CEL: variants seen among roughly 807,000 people sequenced by gnomAD.
CEL encodes carboxyl ester lipase.
CEL carries 39 observed loss-of-function variants against 57.1 expected under a neutral mutation model. The ratio of observed to expected loss-of-function variants is 0.68; its 90% CI spans 0.53 to 0.89. The LOEUF is 0.89. Among genes scored for constraint, CEL ranks in the 40% least tolerant of loss-of-function variants. The pLI, the probability that CEL is intolerant of heterozygous loss-of-function variation, is 0.00. For synonymous variants in CEL, 314 were observed against 396.6 expected (o/e 0.79, Z 2.48); for missense variants, 698 against 915.0 (o/e 0.76, Z 3.06).
Position 133,067,144 on chromosome 9 carries a change from GAA to G in CEL, c.835_836del (p.Lys279GlyfsTer3), listed in dbSNP as rs1830192211. The G allele has an allele frequency of 1.2e-6, 2 of 1,613,978 alleles. No individual in the cohort carries two copies. The highest frequency in any genetic ancestry group is 1.7e-5 in the Admixed American group (1 of 60,002). ...ATGCCGCCAGGATGGCCCAGTGTCT[GAA>G]GGTTACTGATCCCCGAGCCCTGACG... is the stretch of plus-strand genomic sequence containing the variant. ...GDAARMAQCL[K>X]VTDPRALTLA... On this transcript the variant is annotated frameshift_variant, in exon 7 of 11. Transcript: ENST00000372080. LOFTEE classifies it high-confidence loss of function.
rs150358550 is a variant in CEL, at chr9:133,065,101, C to G, written c.402C>G (p.Gly134=). The change falls in exon 4 of 11, where the codon GGC becomes GGG. Residue 134 remains glycine, a synonymous_variant. Transcript: ENST00000372080. ...GAGGCGCCTTCCTCATGGGGTCCGG[C>G]CATGGGGCCAACTTCCTCAACAACT... ...IYGGAFLMGS[G]HGANFLNNYL... is the part of the protein sequence containing the mutation. The G allele has an allele frequency of 5.0e-3, 8,061 of 1,613,938 alleles. 49 individuals carry two copies. The highest frequency in any genetic ancestry group is 8.1e-3 in the Middle Eastern group (49 of 6,060).
chr9:133,071,301 G>T lies in CEL; in HGVS notation c.1799G>T (p.Gly600Val). The change falls in exon 11 of 11, where the codon GGG (glycine) becomes GTG (valine). Residue 600 changes from glycine (G) to valine (V), a missense_variant. Coordinates refer to ENST00000372080, the MANE Select transcript of CEL (RefSeq NM_001807.6). ...CCCGTGCCGCCCACGGGTGACTCCG[G>T]GGCCCCCCCCGTGCCGCCCACGGGT... ...APPVPPTGDS[G>V]APPVPPTGDS... 9.4e-6 allele frequency: 5 copies of T among 531,550 alleles called. No individual in the cohort carries two copies. Among genetic ancestry groups the T allele is most frequent in the Non-Finnish European group, 1.6e-5 (5 of 315,570 alleles). The allele number at this position is 531,550 out of a possible 1,614,324, so 32.9% of individuals were successfully genotyped here. A position where few individuals can be genotyped will look rare whatever the true frequency, so the allele number is the denominator to read the frequency against.
At chr9:133,068,494 GC>G (rs1342491150) in intron 7 of CEL, among the ~76,000 whole-genome samples, 177 bp from the exon 8 acceptor site, 2 of 151,524 alleles carry the variant, frequency 1.3e-5, no homozygotes, top group Non-Finnish European at 2.9e-5. Context: ...GGCCGGGGAT[GC>G]TCTAAACATC....
In CEL at chr9:133,064,425, G is replaced by A. The variant is rs1410534006; in HGVS notation, c.88G>A (p.Gly30Ser). The A allele has an allele frequency of 7.4e-6, 12 of 1,614,122 alleles. No individual in the cohort carries two copies. Among genetic ancestry groups the A allele is most frequent in the Non-Finnish European group, 1.0e-5 (12 of 1,180,012 alleles). ...GCAGCTGGGCGCCGTGTACACAGAAGGTGGGTTCGTGGAAGGCGTCAATAA... is the reference window on the plus strand; with the variant it reads ...GCAGCTGGGCGCCGTGTACACAGAAAGTGGGTTCGTGGAAGGCGTCAATAA... ...AAKLGAVYTEGGFVEGVNKKL... is the reference protein window; with the variant it reads ...AAKLGAVYTESGFVEGVNKKL... The change falls in exon 2 of 11, where the codon GGT (glycine) becomes AGT (serine). Residue 30 changes from glycine to serine, a missense_variant. This residue lies in a region of CEL where 327 missense variants were observed against 374.1 expected (regional missense o/e 0.87). Coordinates refer to ENST00000372080, the MANE Select transcript of CEL (RefSeq NM_001807.6).
chr9:133,067,721 C>G (rs1369060845), intron 7 of CEL, among the ~76,000 whole-genome samples: 1 of 152,148 alleles, frequency 6.6e-6, no homozygotes, highest in Non-Finnish European at 1.5e-5. Flanking sequence ...CTTTGAGAAG[C>G]TGATGAACAT....
intron 7 of CEL, among the ~76,000 whole-genome samples, chr9:133,067,980 A>G (rs1280099915): frequency 5.3e-5 from 8 of 152,184 alleles, no homozygotes; most frequent in Admixed American, 5.2e-4. Flanking sequence ...CCAGCTTGCT[A>G]CGCTAAGGCT....
rs748814798 is a variant in CEL at position 133,065,074 on chromosome 9, T to G, written c.375T>G (p.Tyr125Ter). The G allele has an allele frequency of 6.2e-7, 1 of 1,613,786 alleles. No homozygotes were observed. Among genetic ancestry groups the G allele is most frequent in the Non-Finnish European group, 8.5e-7 (1 of 1,180,018 alleles). ...SRDLPVMIWI[Y>*]GGAFLMGSGH... is the part of the protein sequence containing the mutation. ...ACCTGCCCGTTATGATCTGGATCTA[T>G]GGAGGCGCCTTCCTCATGGGGTCCG... Residue 125 changes from tyrosine (Y) to a stop codon, truncating the protein, a stop_gained, in exon 4 of 11, where the codon TAT (tyrosine) becomes TAG (stop). Coordinates refer to ENST00000372080, the MANE Select transcript of CEL (RefSeq NM_001807.6). LOFTEE classifies it high-confidence loss of function.
At position 133,066,402 on chromosome 9, in the gene CEL, C is replaced by A. The variant is rs1199406762; in HGVS notation, c.539-128C>A. The A allele has an allele frequency of 2.5e-6, 3 of 1,221,300 alleles. No individual in the cohort carries two copies. The highest frequency in any genetic ancestry group is 3.5e-6 in the Non-Finnish European group (3 of 852,512). The allele number at this position is 1,221,300 out of a possible 1,614,324, so 75.7% of individuals were successfully genotyped here. On this transcript the variant is annotated intron_variant, in intron 4 of 10. Transcript: ENST00000372080. The surrounding 1 kb of genome is among the most constrained non-coding windows in gnomAD (Gnocchi z 4.3). Reference sequence around the variant, plus strand: ...AGCTTCTTAGGGACCCACCATTTGCCAACTGGGGCTCTGCCATGGCCCCAA... The same window carrying A: ...AGCTTCTTAGGGACCCACCATTTGCAAACTGGGGCTCTGCCATGGCCCCAA...
chr9:133,064,735 A>G lies in CEL; in HGVS notation c.313A>G (p.Ile105Val). Residue 105 changes from isoleucine (I) to valine (V), a missense_variant, in exon 3 of 11, where the codon ATT becomes GTT. Coordinates refer to ENST00000372080, the MANE Select transcript of CEL (RefSeq NM_001807.6). ...YGDEDCLYLN[I>V]WVPQGRKQVS... The stretch of plus-strand genomic sequence containing the variant: ...GGATGAAGACTGCCTGTACCTCAAC[A>G]TTTGGGTGCCCCAGGGCAGGAAGCA... 6.2e-7 allele frequency: 1 copy of G among 1,614,024 alleles called. No homozygotes were observed. Among genetic ancestry groups the G allele is most frequent in the Non-Finnish European group, 8.5e-7 (1 of 1,179,990 alleles).
chr9:133,068,443 C>T (rs1327478255), intron 7 of CEL, among the ~76,000 whole-genome samples: 1 of 151,982 alleles, frequency 6.6e-6, no homozygotes, highest in African/African-American at 2.4e-5. Flanking sequence ...CTGTGATTGT[C>T]ACAGCTGGGG....
intron 3 of CEL, 68 bp from the exon 4 acceptor site, chr9:133,064,972 G>A: frequency 6.3e-7 from 1 of 1,598,192 alleles, no homozygotes. Flanking sequence ...GCTGCACAGG[G>A]ACAGGGGACC....
At chr9:133,062,736 G>A (rs1224448169) in intron 1 of CEL, among the ~76,000 whole-genome samples, 6 of 150,526 alleles carry the variant, frequency 4.0e-5, no homozygotes, top group Non-Finnish European at 8.8e-5. Context: ...TTACAGAAGG[G>A]GAAACGGGCC....
Position 133,065,151 on chromosome 9 carries a change from CCA to C in CEL, c.456_457del (p.Gly154LysfsTer27). ...TACCTGTATGACGGCGAGGAGATCG[CCA>C]CACGCGGAAACGTCATCGTGGTCAC... On this transcript the variant is annotated frameshift_variant, in exon 4 of 11. Coordinates refer to ENST00000372080, the MANE Select transcript of CEL (RefSeq NM_001807.6). LOFTEE classifies it high-confidence loss of function. The C allele has an allele frequency of 1.2e-6, 2 of 1,613,962 alleles. No homozygotes were observed. Among genetic ancestry groups the C allele is most frequent in the Non-Finnish European group, 1.7e-6 (2 of 1,180,050 alleles).
intron 4 of CEL, among the ~76,000 whole-genome samples, chr9:133,065,917 C>T (rs940986487): frequency 6.6e-6 from 1 of 150,828 alleles, no homozygotes; most frequent in African/African-American, 2.4e-5. Flanking sequence ...ACCTGGGAGG[C>T]AGAGGTGGAA....
chr9:133,064,523 G>C lies in CEL; in HGVS notation c.186G>C (p.Leu62=). The change falls in exon 2 of 11, where the codon CTG becomes CTC. Residue 62 remains leucine, a synonymous_variant. Transcript: ENST00000372080. Reference sequence around the variant, plus strand: ...CCTTCGCAGCTCCCACCAAGGCCCTGGAAAATCCTCAGCCACATCCTGGCT... The same window carrying C: ...CCTTCGCAGCTCCCACCAAGGCCCTCGAAAATCCTCAGCCACATCCTGGCT... ...GIPFAAPTKA[L]ENPQPHPGWQ... The C allele has an allele frequency of 6.2e-7, 1 of 1,614,188 alleles. No homozygotes were observed. The highest frequency in any genetic ancestry group is 8.5e-7 in the Non-Finnish European group (1 of 1,180,006).
At position 133,066,967 on chromosome 9, in the gene CEL, T is replaced by TGGGTG; in HGVS notation, c.777+25_777+26insTGGGG. ...AAAGGTAAACGGAGGAGGGCAGGGC[T>TGGGTG]GGGCGGGGTGGGGGCTGTCCACATT... On this transcript the variant is annotated intron_variant, in intron 6 of 10. Transcript: ENST00000372080. This position sits in a 1 kb window ranked among gnomAD's most constrained non-coding sequence, Gnocchi z 4.3. 2 of 464,392 alleles carry TGGGTG rather than the reference T, an allele frequency of 4.3e-6. No homozygotes were observed. Among genetic ancestry groups the TGGGTG allele is most frequent in the Non-Finnish European group, 8.3e-6 (2 of 240,338 alleles). 28.8% of individuals were successfully genotyped at this position (464,392 alleles called of 1,614,324 possible).
Position 133,066,635 on chromosome 9 carries a change from C to T in CEL, c.644C>T (p.Ala215Val). ...AACATCACGCTCTTCGGGGAGTCTGCTGGAGGTGCCAGCGTCTCTCTGCAG... is the reference window on the plus strand; with the variant it reads ...AACATCACGCTCTTCGGGGAGTCTGTTGGAGGTGCCAGCGTCTCTCTGCAG... Reference protein sequence around the residue: ...PNNITLFGESAGGASVSLQTL... With the variant: ...PNNITLFGESVGGASVSLQTL... Residue 215 changes from alanine to valine, a missense_variant, in exon 5 of 11, where the codon GCT becomes GTT. Physicochemically the swap from Ala to Val is moderately conservative, Grantham distance 64. Around this residue, in one of 6 missense-constraint regions of CEL, gnomAD observed 327 missense variants for 374.1 expected, o/e 0.87. Coordinates refer to ENST00000372080, the MANE Select transcript of CEL (RefSeq NM_001807.6). This position sits in a 1 kb window ranked among gnomAD's most constrained non-coding sequence, Gnocchi z 4.3. The T allele has an allele frequency of 6.2e-7, 1 of 1,613,684 alleles. No individual in the cohort carries two copies. Among genetic ancestry groups the T allele is most frequent in the Non-Finnish European group, 8.5e-7 (1 of 1,179,962 alleles).
chr9:133,066,525 C>T lies in CEL; in HGVS notation c.539-5C>T, dbSNP rs1014886783. 7 of 1,613,916 alleles carry T rather than the reference C, an allele frequency of 4.3e-6. No homozygotes were observed. The African/African-American group carries it at 9.3e-5, about 22-fold the overall frequency. Reference sequence around the variant, plus strand: ...CTAGCACCCCCTCCCCTGCCCTGCCCCCAGGTAACTATGGCCTTCGGGATC... The same window carrying T: ...CTAGCACCCCCTCCCCTGCCCTGCCTCCAGGTAACTATGGCCTTCGGGATC... On this transcript the variant is annotated splice_polypyrimidine_tract_variant and splice_region_variant and intron_variant, in intron 4 of 10. Transcript: ENST00000372080. The surrounding 1 kb of genome is among the most constrained non-coding windows in gnomAD (Gnocchi z 4.3).
In CEL at chr9:133,070,372, A is replaced by G. The variant is rs371324191; in HGVS notation, c.1287-89A>G. 9.2e-3 allele frequency: 9,997 copies of G among 1,091,216 alleles called. 141 individuals carry two copies. The highest frequency in any genetic ancestry group is 0.046 in the South Asian group (3,461 of 74,556). 67.6% of individuals were successfully genotyped at this position (1,091,216 alleles called of 1,614,324 possible). On this transcript the variant is annotated intron_variant, in intron 9 of 10. Transcript: ENST00000372080. ...GAATTCCCCAGACACTTCCCTGCCC[A>G]CTGCCCGGGACCTCCCTCCAAGTCC...
Sources: allele counts gnomAD v4.1 joint callset (sites outside exome capture counted in the v4.1 genomes callset), GRCh38; gene constraint gnomAD v4.1.1; regional missense constraint gnomAD v4.1.1; non-coding constraint Gnocchi (gnomAD v3.1); transcripts MANE v1.5; gene names NCBI Gene and HGNC (gene_info 2026-07-23, HGNC 2026-07-21).